Variants in TMC7 observed in about 807,000 individuals in gnomAD.
TMC7 encodes transmembrane channel-like protein 7.
TMC7 carries 54 observed loss-of-function variants against 82.9 expected under a neutral mutation model. The ratio of observed to expected loss-of-function variants is 0.65; its 90% CI spans 0.52 to 0.82. The LOEUF is 0.82. Ranked by LOEUF, TMC7 falls within the 40% of genes least tolerant of loss-of-function variation. The pLI is 0.00. For missense variants in TMC7, 820 were observed against 901.2 expected, an observed-to-expected ratio of 0.91 and a Z score of 1.15; for synonymous variants, 350 against 337.9, an observed-to-expected ratio of 1.04 and a Z score of -0.39.
intron 1 of TMC7, among the ~76,000 whole-genome samples, chr16:18,998,291 TCAAGAAACTTGC>T (rs1258065328): frequency 1.3e-5 from 2 of 152,186 alleles, no homozygotes; most frequent in South Asian, 2.1e-4. Context: ...CATGGAATGG[TCAAGAAACTTGC>T]CAGGTTATGC....
At chr16:19,025,237 G>T (rs1251888805) in intron 5 of TMC7, among the ~76,000 whole-genome samples, 2 of 152,094 alleles carry the variant, frequency 1.3e-5, no homozygotes, top group East Asian at 3.8e-4. Flanking sequence ...ATTACCCCCA[G>T]ATGAGAACCA....
At chr16:19,006,064 C>A (rs370282238) in intron 1 of TMC7, among the ~76,000 whole-genome samples, 2 of 152,230 alleles carry the variant, frequency 1.3e-5, no homozygotes, top group Non-Finnish European at 2.9e-5. Context: ...CATCCTCATC[C>A]GGTTGGTGCC....
intron 5 of TMC7, 101 bp from the exon 6 acceptor site, chr16:19,030,123 A>G (rs1960440834): frequency 4.0e-6 from 5 of 1,240,754 alleles, no homozygotes; most frequent in South Asian, 2.9e-5. Context: ...ACAGAGAGGA[A>G]AGGGGACACT....
chr16:18,984,585 A>G (rs548873140), intron 1 of TMC7: 1 of 962,466 alleles, frequency 1.0e-6, no homozygotes, highest in Non-Finnish European at 1.2e-6. Flanking sequence ...ACCTTTGGTA[A>G]GTGGCTTGCC....
chr16:19,043,631 C>T (rs1961123960), intron 9 of TMC7, among the ~76,000 whole-genome samples: 1 of 151,882 alleles, frequency 6.6e-6, no homozygotes, highest in Non-Finnish European at 1.5e-5. Flanking sequence ...AGTGCAATGG[C>T]GTGATCTTAT....
At position 19,059,450 on chromosome 16, in the gene TMC7, G is replaced by A; in HGVS notation, c.2062G>A (p.Ala688Thr). 1 of 1,614,094 alleles carries A rather than the reference G, an allele frequency of 6.2e-7. No individual in the cohort carries two copies. The highest frequency in any genetic ancestry group is 8.5e-7 in the Non-Finnish European group (1 of 1,180,028). ...IMFYFIALAG[A>T]HKRVVIQLRE... ...GTTTTACTTCATTGCCTTAGCTGGA[G>A]CACACAAACGGGTGGTCATCCAGCT... is the stretch of plus-strand genomic sequence containing the variant. Residue 688 changes from alanine to threonine, a missense_variant, in exon 15 of 16, where the codon GCA (alanine) becomes ACA (threonine). This residue lies in a region of TMC7 where 170 missense variants were observed against 231.3 expected (regional missense o/e 0.74). Transcript: ENST00000304381.
At chr16:19,055,048 A>G (rs370550554) in intron 13 of TMC7, among the ~76,000 whole-genome samples, 64 of 151,808 alleles carry the variant, frequency 4.2e-4, no homozygotes, top group East Asian at 3.2e-3. Flanking sequence ...GCACCTGGCC[A>G]TATTGTTATT....
chr16:19,045,237 C>T (rs567166078), intron 10 of TMC7, 104 bp from the exon 11 acceptor site: 1 of 993,886 alleles, frequency 1.0e-6, no homozygotes, highest in Non-Finnish European at 1.6e-6. Flanking sequence ...TCACTGGAGC[C>T]ACAGGATCTG....
chr16:19,006,660 G>A (rs1381873813), intron 1 of TMC7, among the ~76,000 whole-genome samples: 4 of 152,192 alleles, frequency 2.6e-5, no homozygotes, highest in Admixed American at 6.5e-5. Flanking sequence ...CTTAAGCCAT[G>A]TTGTTATTTC....
chr16:19,015,997 A>G (rs1254130115), intron 2 of TMC7, among the ~76,000 whole-genome samples: 1 of 152,194 alleles, frequency 6.6e-6, no homozygotes, highest in Non-Finnish European at 1.5e-5. Context: ...TTTTTTCCAT[A>G]GCGGCGGCAT....
At chr16:19,003,407 G>A (rs1204631721) in intron 1 of TMC7, among the ~76,000 whole-genome samples, 6 of 146,934 alleles carry the variant, frequency 4.1e-5, no homozygotes, top group African/African-American at 7.9e-5. Flanking sequence ...GAGGGAGGTG[G>A]GGGGGGTCAG....
chr16:19,050,394 C>CA lies in TMC7; in HGVS notation c.1741-1284dup, dbSNP rs1334278799. Among the ~76,000 whole-genome samples the CA allele has an allele frequency of 5.9e-4, 74 of 125,686 alleles. 2 individuals are homozygous for CA. The highest frequency in any genetic ancestry group is 4.9e-3 in the Admixed American group (61 of 12,346). 82.5% of individuals were successfully genotyped at this position (125,686 alleles called of 152,430 possible). On this transcript the variant is annotated intron_variant, in intron 12 of 15. Transcript: ENST00000304381. ...AAAAAAAAAAAAAAAAAAAAAAAAC[C>CA]AAAAAAAACAAAAAACTTAAATGAA...
At chr16:19,014,418 A>G (rs1959570106) in intron 2 of TMC7, among the ~76,000 whole-genome samples, 1 of 152,200 alleles carries the variant, frequency 6.6e-6, no homozygotes. Flanking sequence ...CAAGTTACAG[A>G]TAAGGAACCC....
intron 1 of TMC7, among the ~76,000 whole-genome samples, chr16:18,988,056 A>T (rs1193291091): frequency 1.3e-5 from 2 of 150,438 alleles, no homozygotes; most frequent in African/African-American, 2.5e-5. Flanking sequence ...GCAGTCTCAA[A>T]CTCCTAGCCT....
At position 19,040,295 on chromosome 16, in the gene TMC7, G is replaced by C; in HGVS notation, c.1186G>C (p.Asp396His). 1 of 1,612,774 alleles carries C rather than the reference G, an allele frequency of 6.2e-7. No individual in the cohort carries two copies. The highest frequency in any genetic ancestry group is 8.5e-7 in the Non-Finnish European group (1 of 1,179,682). Residue 396 changes from aspartate to histidine, a missense_variant, in exon 9 of 16, where the codon GAC (aspartate) becomes CAC (histidine). Physicochemically the swap from Asp to His is moderately conservative, Grantham distance 81 (BLOSUM62 -1). Coordinates refer to ENST00000304381, the MANE Select transcript of TMC7 (RefSeq NM_024847.4). Reference sequence around the variant, plus strand: ...AGTTTTGTTATCCTCCTAGGAAATCGACAAGATGGTTTTTGGAGAGAACCT... The same window carrying C: ...AGTTTTGTTATCCTCCTAGGAAATCCACAAGATGGTTTTTGGAGAGAACCT... ...FSQEHMKKEIDKMVFGENLFI... is the reference protein window; with the variant it reads ...FSQEHMKKEIHKMVFGENLFI...
intron 13 of TMC7, among the ~76,000 whole-genome samples, chr16:19,056,175 C>T (rs1019814383): frequency 2.0e-5 from 3 of 151,832 alleles, no homozygotes; most frequent in South Asian, 4.2e-4. Context: ...CTGCAACCTC[C>T]GCCTCCCAGG....
At chr16:19,040,861 A>G (rs1960978402) in intron 9 of TMC7, among the ~76,000 whole-genome samples, 2 of 149,914 alleles carry the variant, frequency 1.3e-5, no homozygotes, top group South Asian at 4.3e-4. Flanking sequence ...CTTATTTCAA[A>G]CATTTTTTAT....
At chr16:19,051,917 T>G in intron 13 of TMC7, 101 bp downstream of exon 13, 3 of 1,473,698 alleles carry the variant, frequency 2.0e-6, no homozygotes, top group Non-Finnish European at 2.8e-6. Context: ...TTTTTTGAGA[T>G]GGAGTCTTGC....
chr16:19,061,866 G>A lies in TMC7; in HGVS notation c.*23G>A. 5 of 1,606,118 alleles carry A rather than the reference G, an allele frequency of 3.1e-6. No homozygotes were observed. Among genetic ancestry groups the A allele is most frequent in the Non-Finnish European group, 4.3e-6 (5 of 1,174,770 alleles). ...TAACTAGACTGAGCGTGAAGATGGT[G>A]CTGCCTGTTGCTTCTAAGCTGACCT... On this transcript the variant is annotated 3_prime_UTR_variant, in exon 16 of 16. Transcript: ENST00000304381.
Sources: gnomAD v4.1 joint callset for allele counts (sites outside exome capture counted in the v4.1 genomes callset) on GRCh38, gnomAD v4.1.1 for gene constraint, gnomAD v4.1.1 regional missense constraint, MANE v1.5 for transcripts, NCBI Gene and HGNC (gene_info 2026-07-23, HGNC 2026-07-21) for gene names.